BBS4: variants seen among roughly 807,000 people sequenced by gnomAD.
BBS4 encodes Bardet-Biedl syndrome 4.
A neutral mutation model predicts 71.4 loss-of-function variants in BBS4; 58 were observed. That is an observed-to-expected ratio of 0.81 (90% confidence interval 0.66 to 1.01). BBS4 has a LOEUF of 1.01. Ranked by LOEUF, BBS4 falls within the 50% of genes least tolerant of loss-of-function variation. The pLI, the probability that BBS4 is intolerant of heterozygous loss-of-function variation, is 0.00. For synonymous variants in BBS4, 228 were observed against 216.8 expected (o/e 1.05, Z -0.46); for missense variants, 660 against 607.9 (o/e 1.09, Z -0.90).
intron 14 of BBS4, among the ~76,000 whole-genome samples, chr15:72,736,399 G>A (rs1000104208): frequency 6.6e-6 from 1 of 151,908 alleles, no homozygotes; most frequent in Non-Finnish European, 1.5e-5. Flanking sequence ...GTGCCACCAC[G>A]CCCAGCTAAT....
Position 72,687,603 on chromosome 15 carries a change from C to CAAA in BBS4, c.24+1359_24+1361dup, listed in dbSNP as rs11399142. Among the ~76,000 whole-genome samples, 8 of 147,352 alleles carry CAAA rather than the reference C, an allele frequency of 5.4e-5. No individual in the cohort carries two copies. In the East Asian group the frequency reaches 1.7e-3, roughly 31 times the overall value. ...TGAGCGACAGAGACAGACTCCTTCT[C>CAAA]AAAAAAAAAGAAAGAAAAAACAGAT... On this transcript the variant is annotated intron_variant, in intron 1 of 15. Transcript: ENST00000268057.
intron 2 of BBS4, chr15:72,697,944 A>C (rs770223917): frequency 4.2e-5 from 19 of 455,738 alleles, no homozygotes; most frequent in Non-Finnish European, 7.5e-5. Context: ...AATATGCTAC[A>C]TGAGGCTACT....
Position 72,737,516 on chromosome 15 carries a change from C to T in BBS4, c.1489C>T (p.Leu497Phe). The T allele has an allele frequency of 1.9e-6, 3 of 1,613,228 alleles. No individual in the cohort carries two copies. The highest frequency in any genetic ancestry group is 1.1e-5 in the South Asian group (1 of 90,736). The change falls in exon 16 of 16, where the codon CTT becomes TTT. Residue 497 changes from leucine (L) to phenylalanine (F), a missense_variant. By Grantham distance (22) the Leu-to-Phe change is conservative. Coordinates refer to ENST00000268057, the MANE Select transcript of BBS4 (RefSeq NM_033028.5). ...GTSQFTKPPS[L>F]PLEPEPAVES... ...ATCCCAGTTCACAAAGCCCCCATCT[C>T]TTCCTCTGGAGCCAGAGCCTGCGGT...
At chr15:72,717,497 A>G (rs1237262929) in intron 6 of BBS4, 1 of 152,370 alleles carries the variant, frequency 6.6e-6, no homozygotes. Flanking sequence ...CCAGCATCAT[A>G]TCTGCATTCT....
chr15:72,725,230 T>A (rs1277453307), intron 8 of BBS4, among the ~76,000 whole-genome samples: 5 of 146,444 alleles, frequency 3.4e-5, no homozygotes, highest in South Asian at 2.2e-4. Flanking sequence ...CCAGCTAATT[T>A]AAAAAAAAAA....
rs116507517 is a variant in BBS4, at chr15:72,721,600, G to C, written c.406-1194G>C. Among the ~76,000 whole-genome samples, 615 of 152,282 alleles carry C rather than the reference G, an allele frequency of 4.0e-3. 3 individuals are homozygous for C. The highest frequency in any genetic ancestry group is 0.014 in the African/African-American group (575 of 41,562). On this transcript the variant is annotated intron_variant, in intron 6 of 15. Coordinates refer to ENST00000268057, the MANE Select transcript of BBS4 (RefSeq NM_033028.5). ...TGTTGCAGGTTTGCTGAAAATTAAA[G>C]TAACATATATGAAAACATCTGGCAT... is the stretch of plus-strand genomic sequence containing the variant.
intron 4 of BBS4, 67 bp from the exon 5 acceptor site, chr15:72,715,223 CT>C (rs759452534): frequency 6.8e-6 from 8 of 1,175,066 alleles, no homozygotes; most frequent in Non-Finnish European, 1.0e-5. Context: ...TCCAATTTTT[CT>C]GACCCCAGGC....
intron 2 of BBS4, among the ~76,000 whole-genome samples, chr15:72,706,726 G>C (rs1052030147): frequency 2.0e-5 from 3 of 152,098 alleles, no homozygotes; most frequent in Admixed American, 2.0e-4. Flanking sequence ...TTTTTTTCTT[G>C]TTCCTGGCAT....
chr15:72,717,749 C>T (rs940170802), intron 6 of BBS4, among the ~76,000 whole-genome samples: 4 of 152,196 alleles, frequency 2.6e-5, no homozygotes, highest in Non-Finnish European at 5.9e-5. Flanking sequence ...TAACTAGCAG[C>T]ATCTGCCACA....
intron 1 of BBS4, chr15:72,686,872 T>G (rs1421492298): frequency 3.2e-6 from 1 of 315,692 alleles, no homozygotes; most frequent in East Asian, 8.3e-5. Flanking sequence ...TTTGTTTACC[T>G]TGCTTTAGTG....
At chr15:72,701,322 T>C (rs577606144) in intron 2 of BBS4, among the ~76,000 whole-genome samples, 1 of 152,326 alleles carries the variant, frequency 6.6e-6, no homozygotes, top group East Asian at 1.9e-4. Context: ...TTCCTTGTTA[T>C]ATATATTCCA....
intron 2 of BBS4, chr15:72,698,000 C>T: frequency 2.2e-6 from 1 of 455,944 alleles, no homozygotes; most frequent in Non-Finnish European, 4.4e-6. Flanking sequence ...AGGTGACTTT[C>T]TTCTGGCTTT....
At chr15:72,693,463 A>C (rs1231913349) in intron 1 of BBS4, among the ~76,000 whole-genome samples, 1 of 152,110 alleles carries the variant, frequency 6.6e-6, no homozygotes, top group Non-Finnish European at 1.5e-5. Context: ...TTTTTTGTAA[A>C]GGGCCAGATA....
chr15:72,733,435 C>A (rs891156445), intron 12 of BBS4, among the ~76,000 whole-genome samples: 8 of 152,018 alleles, frequency 5.3e-5, no homozygotes, highest in Admixed American at 3.9e-4. Flanking sequence ...TTTTTTCTGG[C>A]CCTCCCCCTC....
chr15:72,703,805 T>A (rs1199974710), intron 2 of BBS4, among the ~76,000 whole-genome samples: 1 of 152,212 alleles, frequency 6.6e-6, no homozygotes, highest in East Asian at 1.9e-4. Context: ...AGTAAATTTT[T>A]CAATGAAAAA....
At chr15:72,700,758 G>A (rs750159756) in intron 2 of BBS4, among the ~76,000 whole-genome samples, 11 of 151,834 alleles carry the variant, frequency 7.2e-5, no homozygotes, top group Admixed American at 2.0e-4. Flanking sequence ...ATCTTTTGAT[G>A]ATCAAAAGTT....
chr15:72,702,985 A>G (rs1456916335), intron 2 of BBS4, among the ~76,000 whole-genome samples: 2 of 91,980 alleles, frequency 2.2e-5, no homozygotes, highest in Admixed American at 1.4e-4. Context: ...TTTTTTTTGT[A>G]TTTTTAGTAG....
chr15:72,698,885 A>T (rs1021161187), intron 2 of BBS4, among the ~76,000 whole-genome samples: 2 of 152,164 alleles, frequency 1.3e-5, no homozygotes, highest in African/African-American at 2.4e-5. Flanking sequence ...GTTCTTGTGT[A>T]TACAGAATTA....
At chr15:72,726,696 T>G (rs1479143693) in intron 8 of BBS4, among the ~76,000 whole-genome samples, 1 of 152,230 alleles carries the variant, frequency 6.6e-6, no homozygotes, top group Non-Finnish European at 1.5e-5. Flanking sequence ...CAGAACAGAC[T>G]TTTGTCATCA....
Sources: allele counts gnomAD v4.1 joint callset (sites outside exome capture counted in the v4.1 genomes callset), GRCh38; gene constraint gnomAD v4.1.1; transcripts MANE v1.5; gene names NCBI Gene and HGNC (gene_info 2026-07-23, HGNC 2026-07-21).